Variants in PHF11 observed in about 807,000 individuals in gnomAD.
The protein encoded by PHF11 is PHD finger protein 11.
A neutral mutation model predicts 40.5 loss-of-function variants in PHF11; 38 were observed. That is an observed-to-expected ratio of 0.94 (90% CI 0.72 to 1.23). The LOEUF (loss-of-function observed/expected upper bound fraction) is 1.23, where lower values mean the gene tolerates loss of function less well. Among genes scored for constraint, PHF11 ranks in the 50% most tolerant of loss-of-function variants. The pLI is 0.00. For synonymous variants in PHF11, 127 were observed against 138.2 expected, an observed-to-expected ratio of 0.92 and a Z score of 0.57; for missense variants, 369 against 392.4, an observed-to-expected ratio of 0.94 and a Z score of 0.50.
intron 1 of PHF11, among the ~76,000 whole-genome samples, chr13:49,503,916 G>A (rs1423902248): frequency 2.0e-5 from 3 of 152,156 alleles, no homozygotes; most frequent in African/African-American, 4.8e-5. Context: ...TGTATTTTTA[G>A]TAGTGACATG....
chr13:49,506,902 T>TC (rs1275658325), intron 2 of PHF11, 146 bp downstream of exon 2: 14 of 437,030 alleles, frequency 3.2e-5, no homozygotes, highest in African/African-American at 4.6e-5. Context: ...GCATTTCTTT[T>TC]TTTTTTTTTT....
rs1219821653 is a variant in PHF11 at position 49,501,005 on chromosome 13, T to TG, written c.94+4910_94+4911insG. ...TTTGGGAGTCACCAACTTTTGTTTT[T>TG]TTTTTTTTTTGGTTTTTTTTTTTCT... On this transcript the variant is annotated intron_variant, in intron 1 of 9. Coordinates refer to ENST00000378319, the MANE Select transcript of PHF11 (RefSeq NM_001040443.3). Among the ~76,000 whole-genome samples, 486 of 122,116 alleles carry TG rather than the reference T, an allele frequency of 4.0e-3. 20 individuals carry two copies. Among genetic ancestry groups the TG allele is most frequent in the African/African-American group, 0.018 (467 of 25,554 alleles). 80.1% of individuals were successfully genotyped at this position (122,116 alleles called of 152,430 possible).
intron 1 of PHF11, among the ~76,000 whole-genome samples, chr13:49,497,956 C>T (rs978658234): frequency 6.6e-6 from 1 of 152,176 alleles, no homozygotes; most frequent in African/African-American, 2.4e-5. Context: ...TCAACCTTGC[C>T]TGCCCATCCT....
At chr13:49,500,594 C>T (rs755297772) in intron 1 of PHF11, among the ~76,000 whole-genome samples, 49 of 152,142 alleles carry the variant, frequency 3.2e-4, no homozygotes, top group Non-Finnish European at 5.6e-4. Context: ...ATCAAAAGAG[C>T]TAGAAGAGCC....
At chr13:49,498,307 T>C (rs1958847437) in intron 1 of PHF11, among the ~76,000 whole-genome samples, 1 of 152,250 alleles carries the variant, frequency 6.6e-6, no homozygotes, top group Non-Finnish European at 1.5e-5. Flanking sequence ...CAGATGTCCA[T>C]TTCAGGTAGA....
intron 8 of PHF11, among the ~76,000 whole-genome samples, chr13:49,525,162 G>A (rs138299062): frequency 1.4e-4 from 21 of 152,328 alleles, no homozygotes; most frequent in Non-Finnish European, 2.8e-4. Context: ...GTTTAAAGAT[G>A]TACTTTGTTA....
At chr13:49,523,024 A>C (rs888234013) in intron 6 of PHF11, 151 bp from the exon 7 acceptor site, 1 of 661,652 alleles carries the variant, frequency 1.5e-6, no homozygotes, top group South Asian at 1.6e-5. Flanking sequence ...TGCCCTCCCA[A>C]AGTGCTGAGA....
At chr13:49,521,164 G>T (rs930171852) in intron 5 of PHF11, 11 of 1,191,906 alleles carry the variant, frequency 9.2e-6, no homozygotes, top group Admixed American at 4.5e-5. Context: ...CCATTCCCTG[G>T]TATCTTTCAT....
intron 8 of PHF11, chr13:49,525,907 G>A (rs562065036): frequency 5.1e-5 from 21 of 414,108 alleles, no homozygotes; most frequent in Middle Eastern, 3.8e-4. Flanking sequence ...GGTGGCTCAC[G>A]CCTGTAATCC....
At chr13:49,518,806 C>G (rs1171165506) in intron 4 of PHF11, 1 of 151,002 alleles carries the variant, frequency 6.6e-6, no homozygotes, top group Non-Finnish European at 1.5e-5. Flanking sequence ...AGAGGGCAAG[C>G]CTACCATTGA....
intron 1 of PHF11, among the ~76,000 whole-genome samples, chr13:49,501,018 T>TTTTTTTTTTTTTTTTTTTTTTTTTTG (rs1958898871): frequency 2.4e-5 from 1 of 42,192 alleles, no homozygotes; most frequent in African/African-American, 1.7e-4. Flanking sequence ...TTTTTTTTGG[T>TTTTTTTTTTTTTTTTTTTTTTTTTTG]TTTTTTTTTT....
intron 3 of PHF11, among the ~76,000 whole-genome samples, chr13:49,517,164 G>A (rs1045303528): frequency 5.3e-5 from 8 of 151,942 alleles, no homozygotes; most frequent in East Asian, 1.9e-4. Context: ...AATTTCCACC[G>A]TTATCATAAC....
intron 3 of PHF11, among the ~76,000 whole-genome samples, chr13:49,513,997 G>T (rs9596127): frequency 0.084 from 12,805 of 152,170 alleles, 983 homozygotes; most frequent in African/African-American, 0.2. Context: ...GTTTCATTAG[G>T]TTGCACCCCT....
intron 5 of PHF11, 168 bp from the exon 6 acceptor site, chr13:49,521,875 T>G (rs547564550): frequency 1.7e-5 from 7 of 416,050 alleles, no homozygotes; most frequent in African/African-American, 1.2e-4. Flanking sequence ...TTATAATATC[T>G]TTTTTAAAAA....
intron 9 of PHF11, among the ~76,000 whole-genome samples, chr13:49,527,539 C>G (rs1438657313): frequency 6.6e-6 from 1 of 152,154 alleles, no homozygotes; most frequent in Non-Finnish European, 1.5e-5. Context: ...ACATTTATAA[C>G]CAGCAGGAAA....
chr13:49,522,251 A>G (rs1019781842), intron 6 of PHF11, 144 bp downstream of exon 6: 29 of 503,162 alleles, frequency 5.8e-5, no homozygotes, highest in Non-Finnish European at 1.4e-5. Flanking sequence ...GTTCTCAGCT[A>G]AGGCTGCTCC....
chr13:49,498,416 C>T lies in PHF11; in HGVS notation c.94+2321C>T, dbSNP rs116675837. Among the ~76,000 whole-genome samples the T allele has an allele frequency of 2.4e-5, 3 of 125,810 alleles. No individual in the cohort carries two copies. The South Asian group carries it at 8.2e-4, about 34-fold the overall frequency. 82.5% of individuals were successfully genotyped at this position (125,810 alleles called of 152,430 possible). A position where few individuals can be genotyped will look rare whatever the true frequency, so the allele number is the denominator to read the frequency against. The stretch of plus-strand genomic sequence containing the variant: ...TTCTGACAGTAACCTAGTACATTTC[C>T]GGTAGATCATTCTGACAGTAACCTA... On this transcript the variant is annotated intron_variant, in intron 1 of 9. Coordinates refer to ENST00000378319, the MANE Select transcript of PHF11 (RefSeq NM_001040443.3).
intron 1 of PHF11, chr13:49,497,006 T>C: frequency 8.4e-7 from 1 of 1,184,100 alleles, no homozygotes; most frequent in South Asian, 1.5e-5. Context: ...GCTAATTTTG[T>C]ATTTTTAGTA....
rs770982730 is a variant in PHF11 at position 49,528,685 on chromosome 13, C to G, written c.*20C>G. ...TATTAGGGATTACCGTTTCCTAAGC[C>G]AAGAGTCATGTCAAATTGCAATCAG... On this transcript the variant is annotated 3_prime_UTR_variant, in exon 10 of 10. Coordinates refer to ENST00000378319, the MANE Select transcript of PHF11 (RefSeq NM_001040443.3). 1 of 1,554,696 alleles carries G rather than the reference C, an allele frequency of 6.4e-7. No individual in the cohort carries two copies. Among genetic ancestry groups the G allele is most frequent in the Non-Finnish European group, 8.7e-7 (1 of 1,145,424 alleles).
Sources: allele counts gnomAD v4.1 joint callset (sites outside exome capture counted in the v4.1 genomes callset), GRCh38; gene constraint gnomAD v4.1.1; transcripts MANE v1.5; gene names NCBI Gene and HGNC (gene_info 2026-07-23, HGNC 2026-07-21).